Variants in ZMYM4 observed in about 807,000 individuals in gnomAD.
ZMYM4 encodes the protein zinc finger MYM-type protein 4.
Under a neutral mutation model 183.2 loss-of-function variants are expected in ZMYM4, and 31 were observed. The ratio of observed to expected loss-of-function variants is 0.17; its 90% confidence interval spans 0.13 to 0.23. The LOEUF (loss-of-function observed/expected upper bound fraction) is 0.23. Among genes scored for constraint, ZMYM4 ranks in the 10% least tolerant of loss-of-function variants. ZMYM4 has a pLI of 1.00. For synonymous variants in ZMYM4, 592 were observed against 631.2 expected (o/e 0.94, Z 0.93); for missense variants, 1,273 against 1,840.3 (o/e 0.69, Z 5.64).
chr1:35,325,264 A>G, intron 1 of ZMYM4, 96 bp from the exon 2 acceptor site: 1 of 1,177,036 alleles, frequency 8.5e-7, no homozygotes, highest in Admixed American at 2.6e-5. Flanking sequence ...TTTGGGTTGA[A>G]AATTACAGCT....
At chr1:35,278,219 C>T (rs138717850) in intron 1 of ZMYM4, among the ~76,000 whole-genome samples, 116 of 151,924 alleles carry the variant, frequency 7.6e-4, no homozygotes, top group African/African-American at 1.9e-3. Context: ...ATGTTCTCAG[C>T]TCAAGATCCT....
intron 1 of ZMYM4, among the ~76,000 whole-genome samples, chr1:35,321,921 T>G (rs1292847252): frequency 6.6e-6 from 1 of 151,732 alleles, no homozygotes; most frequent in Non-Finnish European, 1.5e-5. Context: ...CTAAGCCATA[T>G]CATATGTATA....
intron 2 of ZMYM4, chr1:35,358,691 G>T (rs543206306): frequency 4.8e-6 from 2 of 413,718 alleles, no homozygotes; most frequent in African/African-American, 2.0e-5. Context: ...TCTATATCAC[G>T]TAGCTTTCTT....
At chr1:35,308,039 T>C (rs1311475476) in intron 1 of ZMYM4, among the ~76,000 whole-genome samples, 1 of 152,076 alleles carries the variant, frequency 6.6e-6, no homozygotes, top group Non-Finnish European at 1.5e-5. Flanking sequence ...TCACCCAGGC[T>C]GGAGTGCAGT....
At chr1:35,326,302 C>T (rs147204174) in intron 2 of ZMYM4, among the ~76,000 whole-genome samples, 29 of 152,140 alleles carry the variant, frequency 1.9e-4, no homozygotes, top group African/African-American at 6.5e-4. Context: ...TACATGCATA[C>T]AAGAAAGATT....
chr1:35,404,525 A>G (rs1644967883), intron 23 of ZMYM4, among the ~76,000 whole-genome samples: 2 of 152,202 alleles, frequency 1.3e-5, no homozygotes, highest in Non-Finnish European at 2.9e-5. Context: ...TTTAAGTTCA[A>G]AATGTTTTGT....
At chr1:35,287,492 A>G (rs755445300) in intron 1 of ZMYM4, among the ~76,000 whole-genome samples, 1 of 152,168 alleles carries the variant, frequency 6.6e-6, no homozygotes, top group Non-Finnish European at 1.5e-5. Flanking sequence ...CAAATTCACT[A>G]TGTCTACAAC....
rs56009022 is a variant in ZMYM4, at chr1:35,349,388, T to G, written c.86-9537T>G. Among the ~76,000 whole-genome samples, 992 of 152,292 alleles carry G rather than the reference T, an allele frequency of 6.5e-3. 5 individuals carry two copies. Among genetic ancestry groups the G allele is most frequent in the Non-Finnish European group, 0.01 (682 of 68,016 alleles). On this transcript the variant is annotated intron_variant, in intron 2 of 29. Transcript: ENST00000314607. ...TGCTTTTGTATGTCTCAAGTAAAAA[T>G]AAATGTTTAAGGCAATTGTGTTTCA...
At chr1:35,387,901 T>C (rs1291189657) in intron 13 of ZMYM4, among the ~76,000 whole-genome samples, 3 of 152,224 alleles carry the variant, frequency 2.0e-5, no homozygotes, top group Non-Finnish European at 4.4e-5. Flanking sequence ...AAAGAGCTTC[T>C]AGTTCGTGTA....
intron 23 of ZMYM4, among the ~76,000 whole-genome samples, chr1:35,400,545 C>T (rs1570529442): frequency 6.6e-6 from 1 of 152,300 alleles, no homozygotes; most frequent in East Asian, 1.9e-4. Context: ...GTGAAGTTCA[C>T]ATGGCTGTTT....
chr1:35,392,147 A>T, intron 15 of ZMYM4, 65 bp from the exon 16 acceptor site: 1 of 1,599,556 alleles, frequency 6.3e-7, no homozygotes, highest in Non-Finnish European at 8.6e-7. Context: ...ACTTCCTTGA[A>T]ATGGTTTCTG....
Position 35,419,711 on chromosome 1 carries a change from G to T in ZMYM4, c.*34G>T. 1.3e-6 allele frequency: 2 copies of T among 1,598,246 alleles called. No homozygotes were observed. Among genetic ancestry groups the T allele is most frequent in the South Asian group, 1.1e-5 (1 of 90,324 alleles). ...TGAGGTTCTTATTTTCATACATATT[G>T]GTATGCACCAAACTGTGAATGCATC... On this transcript the variant is annotated 3_prime_UTR_variant, in exon 30 of 30. Transcript: ENST00000314607.
chr1:35,305,079 C>CAG (rs1557959412), intron 1 of ZMYM4, among the ~76,000 whole-genome samples: 9 of 152,162 alleles, frequency 5.9e-5, no homozygotes, highest in South Asian at 4.1e-4. Flanking sequence ...TTCCTGACCT[C>CAG]GTGATCCATC....
chr1:35,291,168 A>G (rs1640741105), intron 1 of ZMYM4, among the ~76,000 whole-genome samples: 1 of 152,234 alleles, frequency 6.6e-6, no homozygotes, highest in Admixed American at 6.5e-5. Flanking sequence ...TTACTGGATC[A>G]TATAAATACT....
intron 1 of ZMYM4, among the ~76,000 whole-genome samples, chr1:35,312,640 T>C (rs1641853995): frequency 6.6e-6 from 1 of 152,104 alleles, no homozygotes; most frequent in Non-Finnish European, 1.5e-5. Context: ...TTTTTCTTTC[T>C]TTTCTTTTTC....
intron 1 of ZMYM4, among the ~76,000 whole-genome samples, chr1:35,291,049 A>G (rs758712567): frequency 1.4e-4 from 22 of 152,210 alleles, no homozygotes; most frequent in Non-Finnish European, 2.5e-4. Flanking sequence ...TGACATATGC[A>G]TATAGTGGTA....
intron 2 of ZMYM4, among the ~76,000 whole-genome samples, chr1:35,343,483 T>C (rs886818932): frequency 1.3e-5 from 2 of 152,192 alleles, no homozygotes; most frequent in South Asian, 2.1e-4. Flanking sequence ...TGTTTTTGAG[T>C]CTATTTTTGG....
intron 2 of ZMYM4, among the ~76,000 whole-genome samples, chr1:35,330,697 G>A (rs1453874151): frequency 6.6e-6 from 1 of 152,096 alleles, no homozygotes; most frequent in Non-Finnish European, 1.5e-5. Flanking sequence ...TTTCAAAGGT[G>A]CTACAACTGT....
chr1:35,281,484 G>C (rs113650301), intron 1 of ZMYM4, among the ~76,000 whole-genome samples: 1 of 151,874 alleles, frequency 6.6e-6, no homozygotes, highest in Non-Finnish European at 1.5e-5. Flanking sequence ...GGAAGATATT[G>C]GTCCAAGAGT....
Sources: allele counts gnomAD v4.1 joint callset (sites outside exome capture counted in the v4.1 genomes callset), GRCh38; gene constraint gnomAD v4.1.1; transcripts MANE v1.5; gene names NCBI Gene and HGNC (gene_info 2026-07-23, HGNC 2026-07-21).